VPS13D: variants seen among roughly 807,000 people sequenced by gnomAD.
VPS13D encodes intermembrane lipid transfer protein VPS13D.
A neutral mutation model predicts 461.9 loss-of-function variants in VPS13D; 187 were observed. The observed-to-expected ratio is 0.40, with a 90% CI of 0.36 to 0.46. The LOEUF (loss-of-function observed/expected upper bound fraction) is 0.46. Ranked by LOEUF, VPS13D falls within the 20% of genes least tolerant of loss-of-function variation. The pLI, the probability that VPS13D is intolerant of heterozygous loss-of-function variation, is 0.60. For missense variants in VPS13D, 4,711 were observed against 5,364.9 expected (o/e 0.88, Z 3.81); for synonymous variants, 1,951 against 1,986.3 (o/e 0.98, Z 0.47).
chr1:12,442,870 TGA>T (rs1006160846), intron 65 of VPS13D, among the ~76,000 whole-genome samples: 2 of 152,234 alleles, frequency 1.3e-5, no homozygotes, highest in African/African-American at 4.8e-5. Flanking sequence ...ATTACAGGCG[TGA>T]GCCACCATGC....
intron 60 of VPS13D, among the ~76,000 whole-genome samples, chr1:12,395,432 T>C (rs758703228): frequency 5.9e-5 from 9 of 152,206 alleles, no homozygotes; most frequent in Non-Finnish European, 1.3e-4. Context: ...GTGTGCATCT[T>C]TCGGCGTGCA....
At position 12,416,823 on chromosome 1, in the gene VPS13D, C is replaced by T; in HGVS notation, c.12329C>T (p.Ala4110Val). 6.2e-7 allele frequency: 1 copy of T among 1,609,866 alleles called. No homozygotes were observed. Among genetic ancestry groups the T allele is most frequent in the Non-Finnish European group, 8.5e-7 (1 of 1,178,406 alleles). Reference sequence around the variant, plus strand: ...ACACACGGAGTATCAAACTCTGCTGCCAAGGTAAGGAAATAGAGGTGAAAT... The same window carrying T: ...ACACACGGAGTATCAAACTCTGCTGTCAAGGTAAGGAAATAGAGGTGAAAT... Reference protein sequence around the residue: ...NVTHGVSNSAAKFAGTLSDGL... With the variant: ...NVTHGVSNSAVKFAGTLSDGL... The change falls in exon 65 of 70, where the codon GCC becomes GTC. Residue 4110 changes from alanine to valine, a missense_variant. Transcript: ENST00000620676.
At chr1:12,496,609 A>G (rs1645961227) in intron 67 of VPS13D, among the ~76,000 whole-genome samples, 1 of 152,256 alleles carries the variant, frequency 6.6e-6, no homozygotes, top group South Asian at 2.1e-4. Context: ...CAGCAAGTAC[A>G]AGGCCGAGGA....
In VPS13D at chr1:12,249,094, C is replaced by T; in HGVS notation, c.448-129C>T. ...CCTGGTGTGGTTTCCTTTAGTGGCT[C>T]AAGGGCAGTTTGACCCCTAACTATA... On this transcript the variant is annotated intron_variant, in intron 5 of 69. Transcript: ENST00000620676. The T allele has an allele frequency of 6.0e-6, 4 of 663,078 alleles. No individual in the cohort carries two copies. The South Asian group carries it at 6.1e-5, about 10-fold the overall frequency. The allele number at this position is 663,078 out of a possible 1,614,324, so 41.1% of individuals were successfully genotyped here. A position where few individuals can be genotyped will look rare whatever the true frequency, so the allele number is the denominator to read the frequency against.
chr1:12,277,410 T>A lies in VPS13D; in HGVS notation c.3822T>A (p.Phe1274Leu), dbSNP rs1641647390. ...AALTEALSFT[F>L]VERSKQECFL... ...TCACTGAAGCTTTGAGTTTCACGTT[T>A]GTTGAGAGATCTAAACAGGAGTGTT... The change falls in exon 19 of 70, where the codon TTT becomes TTA. Residue 1274 changes from phenylalanine (F) to leucine (L), a missense_variant. Phe to Leu is a conservative substitution (Grantham distance 22, BLOSUM62 0). This residue lies in a region of VPS13D where 4,411 missense variants were observed against 4,937.8 expected (regional missense o/e 0.89). Transcript: ENST00000620676. 6.2e-7 allele frequency: 1 copy of A among 1,614,138 alleles called. No homozygotes were observed.
intron 16 of VPS13D, 98 bp from the exon 17 acceptor site, chr1:12,270,894 TTA>T: frequency 6.7e-7 from 1 of 1,482,842 alleles, no homozygotes. Flanking sequence ...TTTTTTTTTT[TTA>T]AGCTTTGATG....
intron 58 of VPS13D, among the ~76,000 whole-genome samples, chr1:12,384,388 G>A (rs1008847883): frequency 2.0e-5 from 3 of 152,166 alleles, no homozygotes; most frequent in African/African-American, 7.2e-5. Flanking sequence ...GACTTGCAGA[G>A]GAAGGGAGGA....
At chr1:12,255,360 T>C (rs746855604) in intron 7 of VPS13D, among the ~76,000 whole-genome samples, 6 of 152,188 alleles carry the variant, frequency 3.9e-5, no homozygotes, top group Non-Finnish European at 7.3e-5. Flanking sequence ...CTCTAACATA[T>C]AGTATGAAGT....
At chr1:12,280,470 A>C (rs1641744877) in intron 20 of VPS13D, among the ~76,000 whole-genome samples, 1 of 150,704 alleles carries the variant, frequency 6.6e-6, no homozygotes, top group South Asian at 2.1e-4. Context: ...CTAGCATGTG[A>C]TGTAAATTCT....
At chr1:12,476,227 T>C (rs1452104076) in intron 67 of VPS13D, among the ~76,000 whole-genome samples, 2 of 152,222 alleles carry the variant, frequency 1.3e-5, no homozygotes, top group Non-Finnish European at 2.9e-5. Flanking sequence ...TAGAATTGCA[T>C]GTTCCTGGAA....
intron 27 of VPS13D, 102 bp downstream of exon 27, chr1:12,308,743 A>C (rs1642644095): frequency 4.6e-6 from 5 of 1,086,516 alleles, no homozygotes; most frequent in Middle Eastern, 3.0e-4. Flanking sequence ...TCCACCTCTG[A>C]GGTTCAAGTG....
intron 41 of VPS13D, 42 bp downstream of exon 41, chr1:12,341,927 C>A: frequency 6.3e-7 from 1 of 1,596,274 alleles, no homozygotes; most frequent in East Asian, 2.2e-5. Context: ...TCTCTGCCAC[C>A]AAAGCCTTCT....
intron 60 of VPS13D, among the ~76,000 whole-genome samples, chr1:12,397,527 A>C (rs1358410408): frequency 6.6e-6 from 1 of 152,172 alleles, no homozygotes; most frequent in Non-Finnish European, 1.5e-5. Flanking sequence ...TGAGATAGGT[A>C]ATGATTCATT....
chr1:12,374,228 TGATAAG>T (rs1644165552), intron 55 of VPS13D, among the ~76,000 whole-genome samples: 1 of 152,236 alleles, frequency 6.6e-6, no homozygotes, highest in Non-Finnish European at 1.5e-5. Context: ...TTATTTCACT[TGATAAG>T]GATGACAGCT....
intron 67 of VPS13D, among the ~76,000 whole-genome samples, chr1:12,483,928 G>A (rs1388638652): frequency 3.3e-5 from 5 of 151,948 alleles, no homozygotes; most frequent in Admixed American, 2.6e-4. Flanking sequence ...AACCCGGGAT[G>A]TGGAGGTTGC....
intron 67 of VPS13D, among the ~76,000 whole-genome samples, chr1:12,494,346 T>C (rs1645927034): frequency 6.6e-6 from 1 of 152,172 alleles, no homozygotes; most frequent in East Asian, 1.9e-4. Context: ...TAAAAAATAA[T>C]GTATTGGGAG....
At position 12,500,157 on chromosome 1, in the gene VPS13D, C is replaced by T. The variant is rs143992580; in HGVS notation, c.12794+2526C>T. 4.7e-5 allele frequency: 46 copies of T among 984,780 alleles called. No homozygotes were observed. The East Asian group carries it at 3.7e-3, about 80-fold the overall frequency. The allele number at this position is 984,780 out of a possible 1,614,324, so 61.0% of individuals were successfully genotyped here. On this transcript the variant is annotated intron_variant, in intron 68 of 69. Transcript: ENST00000620676. Reference sequence around the variant, plus strand: ...TGACTTCAACTTTATTCTCCCAGATCGAGTTGCATTTAATTTTGTCATTCT... The same window carrying T: ...TGACTTCAACTTTATTCTCCCAGATTGAGTTGCATTTAATTTTGTCATTCT...
At chr1:12,347,502 T>C (rs959099947) in intron 44 of VPS13D, among the ~76,000 whole-genome samples, 3 of 152,160 alleles carry the variant, frequency 2.0e-5, no homozygotes, top group Non-Finnish European at 4.4e-5. Flanking sequence ...TGGCTTTGAC[T>C]ATTGGGGCCT....
At chr1:12,263,692 C>G (rs1641184204) in intron 13 of VPS13D, among the ~76,000 whole-genome samples, 2 of 152,238 alleles carry the variant, frequency 1.3e-5, no homozygotes, top group South Asian at 4.1e-4. Context: ...GGCTGAAGGA[C>G]AAATGATTTT....
Sources: gnomAD v4.1 joint callset for allele counts (sites outside exome capture counted in the v4.1 genomes callset) on GRCh38, gnomAD v4.1.1 for gene constraint, gnomAD v4.1.1 regional missense constraint, MANE v1.5 for transcripts, NCBI Gene and HGNC (gene_info 2026-07-23, HGNC 2026-07-21) for gene names.